ACTA2: variants seen among roughly 807,000 people sequenced by gnomAD.
ACTA2 encodes actin, aortic smooth muscle.
Under a neutral mutation model 39.5 loss-of-function variants are expected in ACTA2, and 12 were observed. The ratio of observed to expected loss-of-function variants is 0.30; its 90% CI spans 0.19 to 0.49. ACTA2 has a LOEUF of 0.49. Among genes scored for constraint, ACTA2 ranks in the 20% least tolerant of loss-of-function variants. ACTA2 has a pLI of 0.99. For missense variants in ACTA2, 236 were observed against 498.8 expected (o/e 0.47, Z 5.02); for synonymous variants, 158 against 180.6 (o/e 0.88, Z 1.00).
exon 1 of ACTA2, chr10:88,991,324 A>G (rs1292077057): frequency 1.2e-5 from 4 of 340,444 alleles, no homozygotes; most frequent in Admixed American, 4.5e-5. Context: ...AGCCCTGACA[A>G]GCCAAGCCAA....
chr10:88,990,970 G>A lies in ACTA2; in HGVS notation c.-55C>T. ...TTAGTCCCGGGGATAGGCAAAGTGG[G>A]GCGGGCGCGGGACGCGTGCGGGATT... On this transcript the variant is annotated 5_prime_UTR_variant, in exon 1 of 5. Transcript: ENST00000415557. This position sits in a 1 kb window ranked among gnomAD's most constrained non-coding sequence, Gnocchi z 4.9. 3 of 1,610,314 alleles carry A rather than the reference G, an allele frequency of 1.9e-6. No homozygotes were observed. Among genetic ancestry groups the A allele is most frequent in the Non-Finnish European group, 2.5e-6 (3 of 1,176,852 alleles).
intron 1 of ACTA2, among the ~76,000 whole-genome samples, chr10:88,989,954 T>A (rs1003502313): frequency 1.3e-5 from 2 of 152,328 alleles, no homozygotes; most frequent in Admixed American, 6.5e-5. Context: ...AAAGCAATAG[T>A]GACTTTGAAC....
intron 7 of ACTA2, among the ~76,000 whole-genome samples, chr10:88,939,079 T>A (rs1433276623): frequency 6.6e-6 from 1 of 152,154 alleles, no homozygotes; most frequent in Non-Finnish European, 1.5e-5. Flanking sequence ...CTCACCCCTC[T>A]CAGAGCCTGC....
At chr10:88,935,850 A>C (rs1308677175) in intron 8 of ACTA2, among the ~76,000 whole-genome samples, 1 of 152,208 alleles carries the variant, frequency 6.6e-6, no homozygotes, top group Non-Finnish European at 1.5e-5. Context: ...GCTCTGTTTA[A>C]CATTGGGGAA....
intron 1 of ACTA2, among the ~76,000 whole-genome samples, chr10:88,980,623 A>G (rs1297365426): frequency 6.6e-6 from 1 of 152,190 alleles, no homozygotes; most frequent in Non-Finnish European, 1.5e-5. Context: ...ACTCGTAAGT[A>G]TTCGTTTAGT....
intron 4 of ACTA2, among the ~76,000 whole-genome samples, chr10:88,942,277 G>A (rs904824099): frequency 4.6e-5 from 7 of 152,146 alleles, no homozygotes; most frequent in African/African-American, 1.7e-4. Context: ...ACATCCTAGG[G>A]CTTGTTAACT....
At position 88,945,993 on chromosome 10, in the gene ACTA2, G is replaced by C. The variant is rs529452865; in HGVS notation, c.258+1265C>G. On this transcript the variant is annotated intron_variant, in intron 3 of 8. Transcript: ENST00000224784. ...GTCCTAGGAGGGCAACAGAGTTGAC[G>C]TGAGCAACAGATGATTAATTCCCTG... 2.0e-5 allele frequency among the ~76,000 whole-genome samples: 3 copies of C among 152,272 alleles called. No homozygotes were observed. In the South Asian group the frequency reaches 6.2e-4, roughly 32 times the overall value.
In ACTA2 at chr10:88,941,741, G is replaced by T; in HGVS notation, c.454+44C>A. 4.5e-6 allele frequency: 7 copies of T among 1,543,526 alleles called. 2 individuals carry two copies. In the South Asian group the frequency reaches 5.7e-5, roughly 13 times the overall value. On this transcript the variant is annotated intron_variant, in intron 5 of 8. Coordinates refer to ENST00000224784, the MANE Select transcript of ACTA2 (RefSeq NM_001613.4). ...TTAACGACCATTCAATCCCATCTCT[G>T]GCAGTGCGCTCCAACCAGCTTGCTG...
chr10:88,989,656 C>G lies in ACTA2; in HGVS notation c.-24+1283G>C, dbSNP rs72809362. ...GGTAACCTAACCTAGATTTGAGGGC[C>G]CAAACAGGCTCCAGAAGAAAATGTC... is the stretch of plus-strand genomic sequence containing the variant. On this transcript the variant is annotated intron_variant, in intron 1 of 4. Coordinates refer to the ACTA2 transcript ENST00000415557. The G allele has an allele frequency of 3.4e-3, 1,624 of 482,848 alleles. 5 individuals are homozygous for G. The highest frequency in any genetic ancestry group is 5.5e-3 in the Admixed American group (241 of 43,970). 29.9% of individuals were successfully genotyped at this position (482,848 alleles called of 1,614,324 possible). A position where few individuals can be genotyped will look rare whatever the true frequency, so the allele number is the denominator to read the frequency against.
chr10:88,948,123 A>G lies in ACTA2; in HGVS notation c.129+679T>C, dbSNP rs368726567. ...TGCAGAATATCTCCACTGCATAAAG[A>G]TCAATGAATTCAGACAGACTGCATT... On this transcript the variant is annotated intron_variant, in intron 2 of 8. Coordinates refer to ENST00000224784, the MANE Select transcript of ACTA2 (RefSeq NM_001613.4). 80 of 157,488 alleles carry G rather than the reference A, an allele frequency of 5.1e-4. 1 individual carries two copies. The highest frequency in any genetic ancestry group is 1.6e-3 in the African/African-American group (65 of 41,582). 9.8% of individuals were successfully genotyped at this position (157,488 alleles called of 1,614,324 possible).
At chr10:88,962,967 AT>A (rs1846258822) in intron 1 of ACTA2, among the ~76,000 whole-genome samples, 8 of 73,774 alleles carry the variant, frequency 1.1e-4, no homozygotes, top group South Asian at 5.5e-4. Context: ...ATATATATAT[AT>A]ATATATATAA....
At chr10:88,975,985 T>C (rs1846553392) in intron 1 of ACTA2, among the ~76,000 whole-genome samples, 1 of 152,234 alleles carries the variant, frequency 6.6e-6, no homozygotes. Context: ...GATGTCTCTT[T>C]CAAGTTTGAG....
chr10:88,979,861 C>T (rs1233969614), intron 1 of ACTA2, among the ~76,000 whole-genome samples: 1 of 152,234 alleles, frequency 6.6e-6, no homozygotes, highest in Non-Finnish European at 1.5e-5. Context: ...CCACACACCT[C>T]CTCACACATG....
chr10:88,989,566 C>G, intron 1 of ACTA2: 1 of 541,738 alleles, frequency 1.8e-6, no homozygotes, highest in Non-Finnish European at 3.7e-6. Flanking sequence ...CTATCAACAC[C>G]TACAAGACTG....
At chr10:88,985,271 A>T (rs1049389339) in intron 1 of ACTA2, among the ~76,000 whole-genome samples, 4 of 152,058 alleles carry the variant, frequency 2.6e-5, no homozygotes, top group African/African-American at 7.3e-5. Context: ...ATATCTAGGG[A>T]CTCTGTCCTT....
At chr10:88,940,709 C>G (rs2133253080) in intron 6 of ACTA2, 1 of 210,122 alleles carries the variant, frequency 4.8e-6, no homozygotes, top group Middle Eastern at 2.0e-3. Context: ...CTGTTAATAG[C>G]TAACAATTAT....
upstream of ACTA2, among the ~76,000 whole-genome samples, chr10:88,956,504 A>G (rs1448135818): frequency 6.6e-6 from 1 of 152,188 alleles, no homozygotes; most frequent in Non-Finnish European, 1.5e-5. Context: ...TCCCATTTTA[A>G]GATTATCGAT....
chr10:88,955,016 CAA>C (rs768193000), upstream of ACTA2, among the ~76,000 whole-genome samples: 6 of 73,216 alleles, frequency 8.2e-5, no homozygotes, highest in Non-Finnish European at 1.1e-4. Flanking sequence ...TAGTGTCACA[CAA>C]AAAAAAAAAA....
rs149199009 is a variant in ACTA2, at chr10:88,961,929, TACTTCTTA to T, written c.-23-12984_-23-12977del. On this transcript the variant is annotated intron_variant, in intron 1 of 4. Transcript: ENST00000415557. ...TAATGGCTGCATTGATTTGCCTTTC[TACTTCTTA>T]ACTTCTTAACTTCTCTGTGTGCACA... Among the ~76,000 whole-genome samples the T allele has an allele frequency of 7.2e-3, 1,092 of 152,310 alleles. 16 individuals carry two copies. The East Asian group carries it at 0.099, about 14-fold the overall frequency.
Sources: allele counts gnomAD v4.1 joint callset (sites outside exome capture counted in the v4.1 genomes callset), GRCh38; gene constraint gnomAD v4.1.1; non-coding constraint Gnocchi (gnomAD v3.1); transcripts MANE v1.5; gene names NCBI Gene and HGNC (gene_info 2026-07-23, HGNC 2026-07-21).